Variants in GNG12 observed in about 807,000 individuals in gnomAD.
GNG12 encodes the protein G protein subunit gamma 12.
For missense variants in GNG12, 69 were observed against 83.8 expected, an observed-to-expected ratio of 0.82 and a Z score of 0.69; for synonymous variants, 28 against 29.7, an observed-to-expected ratio of 0.94 and a Z score of 0.19.
At chr1:67,829,477 T>C (rs1184760499) in intron 1 of GNG12, among the ~76,000 whole-genome samples, 3 of 152,214 alleles carry the variant, frequency 2.0e-5, no homozygotes, top group Non-Finnish European at 4.4e-5. Context: ...GGGGGAAATA[T>C]TAAAATTTTG....
At chr1:67,731,098 A>G in intron 2 of GNG12, among the ~76,000 whole-genome samples, 1 of 151,934 alleles carries the variant, frequency 6.6e-6, no homozygotes, top group Admixed American at 6.6e-5. Flanking sequence ...ACTTATTCCT[A>G]TTTTGTTTTT....
rs960583011 is a variant in GNG12 at position 67,703,897 on chromosome 1, G to A, written c.*1554C>T. On this transcript the variant is annotated 3_prime_UTR_variant, in exon 4 of 4. Transcript: ENST00000370982. ...TTGTACAAAATTTGGGAAAATCGTTGTAAATAATTACTTCCTGGGGTTGAT... is the reference window on the plus strand; with the variant it reads ...TTGTACAAAATTTGGGAAAATCGTTATAAATAATTACTTCCTGGGGTTGAT... 2.0e-5 allele frequency: 3 copies of A among 152,340 alleles called. No homozygotes were observed. The highest frequency in any genetic ancestry group is 7.2e-5 in the African/African-American group (3 of 41,580). 9.4% of individuals were successfully genotyped at this position (152,340 alleles called of 1,614,324 possible).
chr1:67,803,588 T>C (rs1287924886), intron 1 of GNG12, among the ~76,000 whole-genome samples: 3 of 152,194 alleles, frequency 2.0e-5, no homozygotes, highest in Admixed American at 6.5e-5. Flanking sequence ...ATAATGAGTG[T>C]GTACAACATA....
intron 2 of GNG12, among the ~76,000 whole-genome samples, chr1:67,738,028 C>T (rs1646461976): frequency 6.6e-6 from 1 of 152,128 alleles, no homozygotes; most frequent in Non-Finnish European, 1.5e-5. Context: ...CCTCAACCTC[C>T]CAGGCTCAGA....
intron 1 of GNG12, among the ~76,000 whole-genome samples, chr1:67,780,161 TC>T (rs1646729263): frequency 6.6e-6 from 1 of 152,218 alleles, no homozygotes; most frequent in African/African-American, 2.4e-5. Context: ...TAGGCACTGT[TC>T]AAGTGCTTTA....
chr1:67,735,576 T>A (rs139741834), intron 2 of GNG12, among the ~76,000 whole-genome samples: 1 of 152,234 alleles, frequency 6.6e-6, no homozygotes, highest in Admixed American at 6.5e-5. Flanking sequence ...GAAATGCATA[T>A]GTAAAGTGCT....
At chr1:67,770,600 T>C (rs1385705026) in intron 2 of GNG12, among the ~76,000 whole-genome samples, 1 of 151,886 alleles carries the variant, frequency 6.6e-6, no homozygotes, top group African/African-American at 2.4e-5. Flanking sequence ...AACCAGAAGA[T>C]GCTGAGGGAT....
At chr1:67,798,251 C>G (rs186423297) in intron 1 of GNG12, among the ~76,000 whole-genome samples, 59 of 152,288 alleles carry the variant, frequency 3.9e-4, no homozygotes, top group African/African-American at 1.3e-3. Context: ...GCATCAATTT[C>G]TTAGGAAGCA....
chr1:67,790,392 C>CA (rs1218933494), intron 1 of GNG12, among the ~76,000 whole-genome samples: 2 of 151,914 alleles, frequency 1.3e-5, no homozygotes, highest in African/African-American at 4.8e-5. Context: ...TTGTACTAGC[C>CA]AAAAAAACCC....
At chr1:67,735,387 T>G (rs1646447209) in intron 2 of GNG12, among the ~76,000 whole-genome samples, 3 of 152,204 alleles carry the variant, frequency 2.0e-5, no homozygotes, top group Admixed American at 2.0e-4. Context: ...GAGATCATTG[T>G]TCTGCTGATC....
intron 2 of GNG12, among the ~76,000 whole-genome samples, chr1:67,732,269 G>A (rs151148126): frequency 2.6e-4 from 39 of 152,336 alleles, no homozygotes; most frequent in African/African-American, 8.7e-4. Flanking sequence ...CAAAAGAACT[G>A]ACTATCGGGG....
chr1:67,780,882 T>C (rs1005574771), intron 1 of GNG12, among the ~76,000 whole-genome samples: 1 of 152,194 alleles, frequency 6.6e-6, no homozygotes, highest in Non-Finnish European at 1.5e-5. Flanking sequence ...GTGTCTTGGC[T>C]GGCCATTATC....
chr1:67,740,309 T>C (rs1195027986), intron 2 of GNG12, among the ~76,000 whole-genome samples: 1 of 152,246 alleles, frequency 6.6e-6, no homozygotes, highest in African/African-American at 2.4e-5. Context: ...AAGTCTCCTA[T>C]ATTTCTTCCC....
At chr1:67,750,162 T>C (rs984873685) in intron 2 of GNG12, among the ~76,000 whole-genome samples, 3 of 152,206 alleles carry the variant, frequency 2.0e-5, no homozygotes, top group Admixed American at 6.5e-5. Flanking sequence ...ATGCCATTTG[T>C]AGTTTTGAAT....
At chr1:67,766,441 C>G (rs77240678) in intron 2 of GNG12, among the ~76,000 whole-genome samples, 1,847 of 152,244 alleles carry the variant, frequency 0.012, 35 homozygotes, top group African/African-American at 0.042. Context: ...AGCAAAGCAG[C>G]CCAGCCCTTC....
chr1:67,829,180 T>A (rs1409939013), intron 1 of GNG12, among the ~76,000 whole-genome samples: 1 of 152,148 alleles, frequency 6.6e-6, no homozygotes, highest in Non-Finnish European at 1.5e-5. Flanking sequence ...GCTTTTCTTA[T>A]GGTTTAAAAA....
chr1:67,744,117 C>T (rs1163297244), intron 2 of GNG12, among the ~76,000 whole-genome samples: 1 of 152,166 alleles, frequency 6.6e-6, no homozygotes, highest in Admixed American at 6.6e-5. Context: ...ACTGGTGCTA[C>T]ACAAGAATTA....
chr1:67,732,834 G>A (rs1040288623), intron 2 of GNG12, among the ~76,000 whole-genome samples: 5 of 152,186 alleles, frequency 3.3e-5, no homozygotes, highest in Middle Eastern at 3.2e-3. Context: ...GCAAGTTTCC[G>A]CAGGGGTGAC....
chr1:67,722,661 A>G (rs1015021801), intron 2 of GNG12, among the ~76,000 whole-genome samples: 9 of 152,186 alleles, frequency 5.9e-5, no homozygotes, highest in African/African-American at 2.2e-4. Context: ...GGTAGACAGC[A>G]GATTAAAGTT....
Sources: allele counts gnomAD v4.1 joint callset (sites outside exome capture counted in the v4.1 genomes callset), GRCh38; gene constraint gnomAD v4.1.1; transcripts MANE v1.5; gene names NCBI Gene and HGNC (gene_info 2026-07-23, HGNC 2026-07-21).